TBXAS1: variants seen among roughly 807,000 people sequenced by gnomAD.
The protein encoded by TBXAS1 is thromboxane A synthase 1.
A neutral mutation model predicts 60.7 loss-of-function variants in TBXAS1; 48 were observed. The ratio of observed to expected loss-of-function variants is 0.79; its 90% confidence interval spans 0.63 to 1.01. TBXAS1 has a LOEUF of 1.01. Ranked by LOEUF, TBXAS1 falls within the 50% of genes least tolerant of loss-of-function variation. The probability of loss-of-function intolerance (pLI) is 0.00; values close to 1 mark genes in which losing one functional copy is unlikely to be tolerated. For synonymous variants in TBXAS1, 287 were observed against 269.7 expected (o/e 1.06, Z -0.63); for missense variants, 685 against 686.3 (o/e 1.00, Z 0.02).
intron 5 of TBXAS1, among the ~76,000 whole-genome samples, chr7:139,936,699 G>T (rs543119936): frequency 1.3e-5 from 2 of 152,308 alleles, no homozygotes; most frequent in East Asian, 3.9e-4. Flanking sequence ...GGGCCAGGGT[G>T]GCCTAAGAAT....
At chr7:139,844,720 A>G (rs1315405818) in intron 1 of TBXAS1, among the ~76,000 whole-genome samples, 1 of 152,232 alleles carries the variant, frequency 6.6e-6, no homozygotes, top group Non-Finnish European at 1.5e-5. Flanking sequence ...TGTACATTTA[A>G]GGATTTTAAC....
intron 4 of TBXAS1, among the ~76,000 whole-genome samples, chr7:139,817,226 A>G (rs995019275): frequency 2.1e-5 from 3 of 146,024 alleles, no homozygotes; most frequent in Admixed American, 2.0e-4. Context: ...GCCCCCCATC[A>G]GCTGTCTTTC....
At chr7:139,859,620 G>A (rs1232673793) in intron 1 of TBXAS1, among the ~76,000 whole-genome samples, 2 of 152,164 alleles carry the variant, frequency 1.3e-5, no homozygotes, top group Non-Finnish European at 1.5e-5. Context: ...TGGGAAATAA[G>A]TAAATGTACA....
chr7:139,889,911 T>G (rs1803423948), intron 3 of TBXAS1, among the ~76,000 whole-genome samples: 2 of 152,060 alleles, frequency 1.3e-5, no homozygotes, highest in Non-Finnish European at 2.9e-5. Context: ...AGACATTGGG[T>G]GCAAGGTGAC....
intron 1 of TBXAS1, among the ~76,000 whole-genome samples, chr7:139,868,909 C>T (rs1284769663): frequency 1.3e-5 from 2 of 151,684 alleles, no homozygotes; most frequent in Non-Finnish European, 2.9e-5. Flanking sequence ...TGCCTTGGCT[C>T]CCCGAAGTGC....
At chr7:139,812,955 A>C (rs967040575) in intron 4 of TBXAS1, among the ~76,000 whole-genome samples, 7 of 151,772 alleles carry the variant, frequency 4.6e-5, no homozygotes, top group Non-Finnish European at 7.4e-5. Flanking sequence ...TACTCAGGAG[A>C]CTGAGGCAGG....
chr7:139,812,580 A>G (rs1798044499), intron 4 of TBXAS1, among the ~76,000 whole-genome samples: 2 of 152,230 alleles, frequency 1.3e-5, no homozygotes, highest in African/African-American at 4.8e-5. Context: ...TACTCTTCTT[A>G]GAGACCAGTA....
At chr7:139,927,564 C>T (rs998681838) in intron 4 of TBXAS1, among the ~76,000 whole-genome samples, 4 of 152,052 alleles carry the variant, frequency 2.6e-5, no homozygotes, top group Admixed American at 6.5e-5. Flanking sequence ...GAGTAGTTTA[C>T]ATAACACAAC....
chr7:139,966,287 T>G (rs1446742975), intron 9 of TBXAS1, among the ~76,000 whole-genome samples: 1 of 152,356 alleles, frequency 6.6e-6, no homozygotes, highest in East Asian at 1.9e-4. Flanking sequence ...GAGCTACATC[T>G]CTTCCTCCAA....
At chr7:140,005,156 C>A (rs1241511951) in intron 9 of TBXAS1, among the ~76,000 whole-genome samples, 1 of 152,180 alleles carries the variant, frequency 6.6e-6, no homozygotes, top group Non-Finnish European at 1.5e-5. Context: ...CGTCCGGGTG[C>A]AGTGGCTCAC....
chr7:139,818,174 G>A (rs1296853967), intron 4 of TBXAS1, among the ~76,000 whole-genome samples: 1 of 152,152 alleles, frequency 6.6e-6, no homozygotes, highest in African/African-American at 2.4e-5. Flanking sequence ...TCATCTCTGG[G>A]AGGCCCTGGA....
chr7:139,956,579 G>C (rs374138932), intron 7 of TBXAS1, among the ~76,000 whole-genome samples: 1 of 152,232 alleles, frequency 6.6e-6, no homozygotes, highest in East Asian at 1.9e-4. Flanking sequence ...ATTCTGCTGG[G>C]CTGGTAAATT....
rs571636148 is a variant in TBXAS1, at chr7:139,918,362, C to A, written c.333+7041C>A. Among the ~76,000 whole-genome samples, 32 of 152,284 alleles carry A rather than the reference C, an allele frequency of 2.1e-4. 1 individual carries two copies. In the South Asian group the frequency reaches 6.4e-3, roughly 31 times the overall value. ...ACAGGGAGCCACGGAGTCCCACCAG[C>A]GTCCCATAGAGCCACTTGGAGCTTC... On this transcript the variant is annotated intron_variant, in intron 4 of 12. Coordinates refer to ENST00000448866, the MANE Select transcript of TBXAS1 (RefSeq NM_001061.7).
In TBXAS1 at chr7:139,819,938, G is replaced by C. The variant is rs570149177; in HGVS notation, c.-79-9374G>C. Among the ~76,000 whole-genome samples the C allele has an allele frequency of 1.3e-4, 19 of 151,766 alleles. No homozygotes were observed. In the South Asian group the frequency reaches 3.7e-3, roughly 30 times the overall value. On this transcript the variant is annotated intron_variant, in intron 4 of 16. Transcript: ENST00000336425. ...TTCTGCTTGAGAGTTTCTATTATTG[G>C]GCCTGTGCCTGGGTCACAGTGCCCC...
chr7:139,843,364 A>T (rs1799594013), intron 1 of TBXAS1, among the ~76,000 whole-genome samples: 1 of 151,350 alleles, frequency 6.6e-6, no homozygotes, highest in Admixed American at 6.6e-5. Flanking sequence ...TTATTTAGAG[A>T]TGGAGTCTCA....
chr7:139,908,460 G>A (rs1393346747), intron 3 of TBXAS1, among the ~76,000 whole-genome samples: 1 of 151,912 alleles, frequency 6.6e-6, no homozygotes, highest in East Asian at 1.9e-4. Context: ...ACATTTTTCA[G>A]AATTCCATTT....
chr7:139,854,555 C>A (rs151150728), intron 1 of TBXAS1, among the ~76,000 whole-genome samples: 46 of 152,200 alleles, frequency 3.0e-4, no homozygotes, highest in African/African-American at 1.0e-3. Flanking sequence ...AGTTCAGGAC[C>A]CTACTGAAAA....
At chr7:139,823,870 G>C (rs142453601) in intron 4 of TBXAS1, among the ~76,000 whole-genome samples, 95 of 152,274 alleles carry the variant, frequency 6.2e-4, no homozygotes, top group African/African-American at 2.3e-3. Flanking sequence ...TAAAGTTAGA[G>C]AATTTCTTGG....
intron 12 of TBXAS1, among the ~76,000 whole-genome samples, chr7:140,018,559 C>A (rs181127275): frequency 2.0e-5 from 3 of 152,218 alleles, no homozygotes; most frequent in African/African-American, 7.2e-5. Flanking sequence ...GCCCTATCTC[C>A]CCCCCACATC....
Sources: allele counts gnomAD v4.1 joint callset (sites outside exome capture counted in the v4.1 genomes callset), GRCh38; gene constraint gnomAD v4.1.1; transcripts MANE v1.5; gene names NCBI Gene and HGNC (gene_info 2026-07-23, HGNC 2026-07-21).